CDK5RAP1: variants seen among roughly 807,000 people sequenced by gnomAD.
CDK5RAP1 encodes mitochondrial tRNA methylthiotransferase CDK5RAP1.
Under a neutral mutation model 64.5 loss-of-function variants are expected in CDK5RAP1, and 62 were observed. That is an observed-to-expected ratio of 0.96 (90% CI 0.78 to 1.19). The LOEUF (loss-of-function observed/expected upper bound fraction) is 1.19. CDK5RAP1 is among the 50% of genes most tolerant of loss of function. The pLI is 0.00. For synonymous variants in CDK5RAP1, 250 were observed against 261.9 expected, an observed-to-expected ratio of 0.95 and a Z score of 0.44; for missense variants, 657 against 735.0, an observed-to-expected ratio of 0.89 and a Z score of 1.23.
chr20:33,359,244 G>GAC, intron 13 of CDK5RAP1, 121 bp from the exon 14 acceptor site: 1 of 700,238 alleles, frequency 1.4e-6, no homozygotes, highest in Admixed American at 2.4e-5. Context: ...GGCTGGCAGA[G>GAC]ACCACATGGC....
At chr20:33,391,120 G>A (rs1329389668) in intron 5 of CDK5RAP1, among the ~76,000 whole-genome samples, 4 of 151,996 alleles carry the variant, frequency 2.6e-5, no homozygotes, top group Non-Finnish European at 5.9e-5. Context: ...TAAGTGTGGT[G>A]GTACACACCT....
intron 2 of CDK5RAP1, 99 bp downstream of exon 2, chr20:33,396,662 T>G: frequency 2.2e-6 from 2 of 911,514 alleles, no homozygotes; most frequent in South Asian, 3.2e-5. Flanking sequence ...TCCCACACTG[T>G]TAACCTTCCA....
At chr20:33,377,589 T>G (rs1328810991) in intron 8 of CDK5RAP1, among the ~76,000 whole-genome samples, 1 of 152,218 alleles carries the variant, frequency 6.6e-6, no homozygotes, top group Non-Finnish European at 1.5e-5. Flanking sequence ...TCTCTCCAGA[T>G]CACTAAAGCT....
In CDK5RAP1 at chr20:33,387,376, G is replaced by A; in HGVS notation, c.702C>T (p.Thr234=). The A allele has an allele frequency of 6.2e-7, 1 of 1,614,172 alleles. No individual in the cohort carries two copies. The highest frequency in any genetic ancestry group is 8.5e-7 in the Non-Finnish European group (1 of 1,180,038). Residue 234 remains threonine, a synonymous_variant, in exon 6 of 14, where the codon ACC becomes ACT. Transcript: ENST00000346416. ...TCTGGACTGGCATGACATCAGCATA[G>A]GTCTCGTCCAGAGAGAGCAGCACGT... ...AANVLLSLDE[T]YADVMPVQTS...
At chr20:33,384,087 T>C (rs2146670202) in intron 7 of CDK5RAP1, among the ~76,000 whole-genome samples, 1 of 152,296 alleles carries the variant, frequency 6.6e-6, no homozygotes, top group African/African-American at 2.4e-5. Context: ...AGATAACCAT[T>C]GTTTGAATGA....
chr20:33,363,520 T>C (rs957765792), intron 12 of CDK5RAP1, among the ~76,000 whole-genome samples: 1 of 152,162 alleles, frequency 6.6e-6, no homozygotes, highest in African/African-American at 2.4e-5. Flanking sequence ...TCTGAAATGA[T>C]TCAAGGGGAA....
At chr20:33,397,318 G>A (rs887283075) in intron 1 of CDK5RAP1, among the ~76,000 whole-genome samples, 3 of 152,168 alleles carry the variant, frequency 2.0e-5, no homozygotes, top group African/African-American at 7.2e-5. Context: ...TCAAAACAAG[G>A]GGTGGTAGAG....
At chr20:33,380,802 A>T (rs531109149) in intron 7 of CDK5RAP1, among the ~76,000 whole-genome samples, 1 of 152,280 alleles carries the variant, frequency 6.6e-6, no homozygotes, top group East Asian at 1.9e-4. Flanking sequence ...AGGAGTTCAG[A>T]CCAGCCTGGC....
chr20:33,381,014 T>G (rs965063095), intron 7 of CDK5RAP1, among the ~76,000 whole-genome samples: 1 of 152,100 alleles, frequency 6.6e-6, no homozygotes, highest in Admixed American at 6.6e-5. Context: ...AATAGAAATG[T>G]TATATTATAA....
At chr20:33,392,797 A>G (rs1372923272) in intron 4 of CDK5RAP1, among the ~76,000 whole-genome samples, 2 of 151,528 alleles carry the variant, frequency 1.3e-5, no homozygotes, top group Non-Finnish European at 2.9e-5. Context: ...TCCTCCCTTT[A>G]ACTGCCCTTC....
chr20:33,371,697 C>T (rs1038964348), intron 10 of CDK5RAP1, among the ~76,000 whole-genome samples: 3 of 152,004 alleles, frequency 2.0e-5, no homozygotes, highest in Non-Finnish European at 4.4e-5. Context: ...GCACAAGAAT[C>T]GCTTGAACCT....
chr20:33,385,028 T>C (rs2146673948), intron 7 of CDK5RAP1, among the ~76,000 whole-genome samples: 1 of 152,314 alleles, frequency 6.6e-6, no homozygotes, highest in Middle Eastern at 3.4e-3. Flanking sequence ...TTCCCACCTA[T>C]TGTCCTCTTC....
intron 12 of CDK5RAP1, 55 bp downstream of exon 12, chr20:33,366,804 G>A (rs1238237186): frequency 2.0e-6 from 3 of 1,522,586 alleles, no homozygotes; most frequent in African/African-American, 1.4e-5. Context: ...AAAAATCAAA[G>A]ATCTAATGTT....
At chr20:33,371,945 A>G (rs1280827707) in intron 10 of CDK5RAP1, among the ~76,000 whole-genome samples, 1 of 152,210 alleles carries the variant, frequency 6.6e-6, no homozygotes, top group African/African-American at 2.4e-5. Flanking sequence ...ATTTACAGTA[A>G]TAAGTTGCCA....
intron 5 of CDK5RAP1, among the ~76,000 whole-genome samples, chr20:33,389,479 T>A (rs1044526428): frequency 2.0e-5 from 3 of 150,234 alleles, no homozygotes; most frequent in Admixed American, 2.0e-4. Flanking sequence ...AGCCGCCCCG[T>A]CCGGGAGGGA....
chr20:33,399,751 T>G (rs1418202963), intron 1 of CDK5RAP1, among the ~76,000 whole-genome samples: 1 of 152,178 alleles, frequency 6.6e-6, no homozygotes, highest in East Asian at 1.9e-4. Flanking sequence ...CTTGAGCCAG[T>G]GCGGTGGCTG....
chr20:33,388,476 G>A lies in CDK5RAP1; in HGVS notation c.545-943C>T, dbSNP rs374631745. Among the ~76,000 whole-genome samples the A allele has an allele frequency of 7.3e-5, 11 of 149,836 alleles. No individual in the cohort carries two copies. The East Asian group carries it at 1.2e-3, about 16-fold the overall frequency. On this transcript the variant is annotated intron_variant, in intron 5 of 13. Coordinates refer to ENST00000346416, the MANE Select transcript of CDK5RAP1 (RefSeq NM_016408.4). ...TGAATGAAGAGATATTTGCATCTACGCAAAGCCAGTTAAATAAATAATTTT... is the reference window on the plus strand; with the variant it reads ...TGAATGAAGAGATATTTGCATCTACACAAAGCCAGTTAAATAAATAATTTT...
At chr20:33,394,204 G>A (rs1238917672) in intron 3 of CDK5RAP1, 138 bp from the exon 4 acceptor site, 1 of 581,068 alleles carries the variant, frequency 1.7e-6, no homozygotes, top group Non-Finnish European at 3.0e-6. Context: ...CTGTTTCCCA[G>A]GCTGGAGTGC....
Position 33,379,692 on chromosome 20 carries a change from C to G in CDK5RAP1, c.877-1G>C, listed in dbSNP as rs1185202515. ...CAAGAAGTGTCACTTCTTTCAGCCC[C>G]TAAACATGGGAAAATATATTGGAAT... is the stretch of plus-strand genomic sequence containing the variant. On this transcript the variant is annotated splice_acceptor_variant, in intron 7 of 13. Coordinates refer to ENST00000346416, the MANE Select transcript of CDK5RAP1 (RefSeq NM_016408.4). LOFTEE classifies it high-confidence loss of function. The G allele has an allele frequency of 1.2e-6, 2 of 1,607,246 alleles. No individual in the cohort carries two copies. Among genetic ancestry groups the G allele is most frequent in the Non-Finnish European group, 1.7e-6 (2 of 1,174,502 alleles).
Sources: allele counts gnomAD v4.1 joint callset (sites outside exome capture counted in the v4.1 genomes callset), GRCh38; gene constraint gnomAD v4.1.1; transcripts MANE v1.5; gene names NCBI Gene and HGNC (gene_info 2026-07-23, HGNC 2026-07-21).